The following PDE1C variants were observed in gnomAD, a reference collection of about 807,000 sequenced individuals.
The protein encoded by PDE1C is phosphodiesterase 1C, also known as dual specificity calcium/calmodulin-dependent 3',5'-cyclic nucleotide phosphodiesterase 1C.
Under a neutral mutation model 93.1 loss-of-function variants are expected in PDE1C, and 62 were observed. The observed-to-expected ratio is 0.67, with a 90% confidence interval of 0.54 to 0.82. The LOEUF is 0.82. Ranked by LOEUF, PDE1C falls within the 40% of genes least tolerant of loss-of-function variation. PDE1C has a pLI of 0.00. For synonymous variants in PDE1C, 325 were observed against 310.1 expected, an observed-to-expected ratio of 1.05 and a Z score of -0.50; for missense variants, 742 against 884.6, an observed-to-expected ratio of 0.84 and a Z score of 2.04.
chr7:31,644,663 T>C, the PDE1C span, among the ~76,000 whole-genome samples: 11 of 152,220 alleles, frequency 7.2e-5, no homozygotes, highest in Admixed American at 3.9e-4. Flanking sequence ...TAGCCCTTGA[T>C]TAATCAGTAA....
chr7:32,027,776 T>C lies in PDE1C; in HGVS notation c.128+23778A>G, dbSNP rs375817168. ...AACTTTTAAAAAAATCTGCTGTCTA[T>C]TAGGCTAATCTAGTGATTGCCATTT... is the stretch of plus-strand genomic sequence containing the variant. On this transcript the variant is annotated intron_variant, in intron 2 of 17. Transcript: ENST00000396191. Among the ~76,000 whole-genome samples, 37 of 151,620 alleles carry C rather than the reference T, an allele frequency of 2.4e-4. 1 individual carries two copies. Among genetic ancestry groups the C allele is most frequent in the East Asian group, 2.1e-3 (11 of 5,154 alleles).
Position 31,793,524 on chromosome 7 carries a change from A to T in PDE1C, c.1891+15507T>A, listed in dbSNP as rs140966306. On this transcript the variant is annotated intron_variant, in intron 16 of 17. Transcript: ENST00000396191. ...CCATAGCTGCCTCCCTATGGAGTCA[A>T]CTTTCTGCAAAAACAGCAAAGTGAT... 3.4e-3 allele frequency among the ~76,000 whole-genome samples: 510 copies of T among 152,134 alleles called. 1 individual carries two copies. Among genetic ancestry groups the T allele is most frequent in the African/African-American group, 0.012 (484 of 41,534 alleles).
At chr7:32,173,022 G>C (rs779535325) in intron 2 of PDE1C, among the ~76,000 whole-genome samples, 79 of 152,004 alleles carry the variant, frequency 5.2e-4, no homozygotes, top group African/African-American at 1.8e-3. Context: ...TATACCCAAA[G>C]GAATATAAAT....
chr7:32,067,952 A>T (rs763955754), intron 1 of PDE1C, among the ~76,000 whole-genome samples: 8 of 152,216 alleles, frequency 5.3e-5, no homozygotes, highest in Non-Finnish European at 1.0e-4. Context: ...CTAATGGAGG[A>T]GATGAAAAAT....
chr7:31,663,381 C>CA, the PDE1C span, among the ~76,000 whole-genome samples: 2 of 152,292 alleles, frequency 1.3e-5, no homozygotes, highest in South Asian at 4.2e-4. Flanking sequence ...CTGTGATAGG[C>CA]AAAAGATTTC....
chr7:31,679,064 G>C, the PDE1C span, among the ~76,000 whole-genome samples: 8 of 152,178 alleles, frequency 5.3e-5, no homozygotes, highest in Non-Finnish European at 1.2e-4. Flanking sequence ...CTATAATCTA[G>C]TAAAAACTAC....
In PDE1C at chr7:31,864,942, C is replaced by T. The variant is rs773140947; in HGVS notation, c.750G>A (p.Ala250=). The T allele has an allele frequency of 1.2e-5, 20 of 1,612,532 alleles. No individual in the cohort carries two copies. Among genetic ancestry groups the T allele is most frequent in the South Asian group, 2.2e-5 (2 of 90,930 alleles). ...CCTAAGAGTTCCTATCCCTACTTACCGCCACTCCTGTCTTATAGAGGAGGT... is the reference window on the plus strand; with the variant it reads ...CCTAAGAGTTCCTATCCCTACTTACTGCCACTCCTGTCTTATAGAGGAGGT... ...VHYLLYKTGV[A]NWLTELEIFA... is the part of the protein sequence containing the mutation. Residue 250 remains alanine (A), a splice_region_variant and synonymous_variant, in exon 7 of 18, where the codon GCG becomes GCA. Transcript: ENST00000396191.
At chr7:31,712,300 G>GAATGAATA in the PDE1C span, among the ~76,000 whole-genome samples, 1 of 152,120 alleles carries the variant, frequency 6.6e-6, no homozygotes, top group Non-Finnish European at 1.5e-5. Flanking sequence ...ATGAATGAAT[G>GAATGAATA]AATAAAAAGA....
At chr7:31,924,700 C>T (rs986511986) in intron 2 of PDE1C, among the ~76,000 whole-genome samples, 1 of 152,228 alleles carries the variant, frequency 6.6e-6, no homozygotes. Context: ...CGATGCCTCT[C>T]TCATTCAAGT....
At chr7:32,238,404 T>A (rs1374969551) in intron 1 of PDE1C, among the ~76,000 whole-genome samples, 1 of 152,250 alleles carries the variant, frequency 6.6e-6, no homozygotes, top group Non-Finnish European at 1.5e-5. Context: ...AGATGTCAGT[T>A]CTCTCCAAAT....
intron 17 of PDE1C, among the ~76,000 whole-genome samples, chr7:31,756,018 T>G (rs1794441233): frequency 6.6e-6 from 1 of 152,022 alleles, no homozygotes; most frequent in Admixed American, 6.6e-5. Flanking sequence ...ACACAAAAAT[T>G]AGCTGGGTGT....
At chr7:31,669,971 T>G in the PDE1C span, among the ~76,000 whole-genome samples, 2 of 152,214 alleles carry the variant, frequency 1.3e-5, no homozygotes, top group African/African-American at 4.8e-5. Context: ...TTGGAATGTC[T>G]GACTCTCATC....
chr7:32,056,456 A>G (rs1480843216), intron 1 of PDE1C, among the ~76,000 whole-genome samples: 3 of 151,656 alleles, frequency 2.0e-5, no homozygotes, highest in African/African-American at 7.3e-5. Context: ...ATTACAGCAT[A>G]CTGCTCAAGA....
chr7:32,224,453 C>A (rs1807106054), intron 1 of PDE1C, among the ~76,000 whole-genome samples: 1 of 152,142 alleles, frequency 6.6e-6, no homozygotes, highest in South Asian at 2.1e-4. Context: ...CCAAACCTCT[C>A]TGAGTCACTT....
At chr7:32,397,233 T>C (rs559907687) in intron 1 of PDE1C, among the ~76,000 whole-genome samples, 4 of 152,302 alleles carry the variant, frequency 2.6e-5, no homozygotes, top group African/African-American at 9.6e-5. Context: ...TATCCTAATA[T>C]ATTTTTAACT....
At chr7:32,265,242 CA>C (rs2128882543) in intron 1 of PDE1C, among the ~76,000 whole-genome samples, 1 of 152,264 alleles carries the variant, frequency 6.6e-6, no homozygotes, top group East Asian at 1.9e-4. Context: ...AGTGCACATA[CA>C]ATCTCTCTCA....
the PDE1C span, among the ~76,000 whole-genome samples, chr7:31,650,701 C>A: frequency 6.6e-6 from 1 of 152,270 alleles, no homozygotes; most frequent in South Asian, 2.1e-4. Context: ...TTTCTTTAAT[C>A]AAACACATAC....
At chr7:32,149,147 G>A (rs1220132495) in intron 3 of PDE1C, among the ~76,000 whole-genome samples, 4 of 152,134 alleles carry the variant, frequency 2.6e-5, no homozygotes, top group African/African-American at 9.7e-5. Flanking sequence ...AAAGAATGCT[G>A]AGTAAAGCTG....
chr7:31,939,157 T>C (rs895436112), intron 2 of PDE1C, among the ~76,000 whole-genome samples: 3 of 152,092 alleles, frequency 2.0e-5, no homozygotes, highest in Admixed American at 2.0e-4. Flanking sequence ...TTCAAGTCAG[T>C]TGCTATGGTT....
Sources: gnomAD v4.1 joint callset for allele counts (sites outside exome capture counted in the v4.1 genomes callset) on GRCh38, gnomAD v4.1.1 for gene constraint, MANE v1.5 for transcripts, NCBI Gene and HGNC (gene_info 2026-07-23, HGNC 2026-07-21) for gene names.